Variants in RFX3 observed in about 807,000 individuals in gnomAD.
RFX3 encodes regulatory factor X3.
In RFX3, 14 loss-of-function variants were observed where a neutral mutation model predicts 98.6. The ratio of observed to expected loss-of-function variants is 0.14; its 90% CI spans 0.09 to 0.22. The LOEUF (loss-of-function observed/expected upper bound fraction) is 0.22, where lower values mean the gene tolerates loss of function less well. Ranked by LOEUF, RFX3 falls within the 10% of genes least tolerant of loss-of-function variation. The pLI, the probability that RFX3 is intolerant of heterozygous loss-of-function variation, is 1.00. For synonymous variants in RFX3, 383 were observed against 328.4 expected (o/e 1.17, Z -1.80); for missense variants, 639 against 926.9 (o/e 0.69, Z 4.03).
rs934639397 is a variant in RFX3 at position 3,223,950 on chromosome 9, G to T, written c.*1092C>A. ...GGTGTGCCAGTTACACTGCCTTCAG[G>T]TTCTGTTTACAATTTAAATCCACAT... On this transcript the variant is annotated 3_prime_UTR_variant, in exon 17 of 17. Transcript: ENST00000617270. The T allele has an allele frequency of 3.9e-5, 6 of 152,242 alleles. No individual in the cohort carries two copies. The highest frequency in any genetic ancestry group is 1.4e-4 in the African/African-American group (6 of 41,544). The allele number at this position is 152,242 out of a possible 1,614,324, so 9.4% of individuals were successfully genotyped here. A position where few individuals can be genotyped will look rare whatever the true frequency, so the allele number is the denominator to read the frequency against.
chr9:3,275,612 T>C lies in RFX3; in HGVS notation c.974A>G (p.Asp325Gly), dbSNP rs780764199. 2 of 1,580,664 alleles carry C rather than the reference T, an allele frequency of 1.3e-6. No individual in the cohort carries two copies. Among genetic ancestry groups the C allele is most frequent in the Admixed American group, 1.7e-5 (1 of 59,878 alleles). ...AQSQHHQQFL[D>G]ASRALPEFGE... Reference sequence around the variant, plus strand: ...AAACTCTGGAAGTGCTCGAGATGCATCTGTTACCGTGACAACAGAACAGAA... The same window carrying C: ...AAACTCTGGAAGTGCTCGAGATGCACCTGTTACCGTGACAACAGAACAGAA... The change falls in exon 9 of 17, where the codon GAT (aspartate) becomes GGT (glycine). Residue 325 changes from aspartate to glycine, a missense_variant and splice_region_variant. Asp to Gly is a moderately conservative substitution (Grantham distance 94). This residue lies in a region of RFX3 where 86 missense variants were observed against 113.2 expected (regional missense o/e 0.76). Coordinates refer to ENST00000617270, the MANE Select transcript of RFX3 (RefSeq NM_001282116.2).
intron 15 of RFX3, among the ~76,000 whole-genome samples, chr9:3,231,474 C>G (rs1241337250): frequency 2.6e-5 from 4 of 152,114 alleles, no homozygotes; most frequent in Non-Finnish European, 5.9e-5. Context: ...CAATTCTAGT[C>G]AGATCAATTT....
Position 3,393,961 on chromosome 9 carries a change from G to A in RFX3, c.117+1511C>T, listed in dbSNP as rs1331952335. On this transcript the variant is annotated intron_variant, in intron 2 of 16. Coordinates refer to ENST00000617270, the MANE Select transcript of RFX3 (RefSeq NM_001282116.2). The stretch of plus-strand genomic sequence containing the variant: ...TTAGCCATAAAGCAAACCTGCATAT[G>A]TATGCTCTGGATCTACAATTCTAAA... 6.6e-5 allele frequency among the ~76,000 whole-genome samples: 10 copies of A among 152,238 alleles called. No individual in the cohort carries two copies. The East Asian group carries it at 7.7e-4, about 12-fold the overall frequency.
intron 4 of RFX3, among the ~76,000 whole-genome samples, chr9:3,308,291 T>C (rs756848675): frequency 2.6e-5 from 4 of 152,138 alleles, no homozygotes; most frequent in Non-Finnish European, 4.4e-5. Flanking sequence ...TAAGATCAAA[T>C]GGTGGGGTGA....
rs146078266 is a variant in RFX3 at position 3,432,686 on chromosome 9, C to A, written c.-8-37090G>T. Among the ~76,000 whole-genome samples the A allele has an allele frequency of 1.1e-4, 16 of 152,242 alleles. No homozygotes were observed. The East Asian group carries it at 2.9e-3, about 28-fold the overall frequency. On this transcript the variant is annotated intron_variant, in intron 1 of 16. Coordinates refer to ENST00000617270, the MANE Select transcript of RFX3 (RefSeq NM_001282116.2). Reference sequence around the variant, plus strand: ...GAATTAACAGAATATGACTTGAATTCCTTGAGTGCATCCAAACCAATGCCA... The same window carrying A: ...GAATTAACAGAATATGACTTGAATTACTTGAGTGCATCCAAACCAATGCCA...
intron 1 of RFX3, among the ~76,000 whole-genome samples, chr9:3,476,514 G>A (rs1849270455): frequency 1.3e-5 from 2 of 152,122 alleles, no homozygotes; most frequent in South Asian, 4.1e-4. Flanking sequence ...TTAAGATGAT[G>A]CCATTAAACC....
At chr9:3,516,283 C>T (rs1818162190) in intron 1 of RFX3, among the ~76,000 whole-genome samples, 1 of 152,078 alleles carries the variant, frequency 6.6e-6, no homozygotes, top group South Asian at 2.1e-4. Context: ...CTCCTGACCT[C>T]GTGATCCACC....
intron 8 of RFX3, 128 bp downstream of exon 8, chr9:3,277,212 G>A (rs1157313016): frequency 2.5e-6 from 2 of 799,338 alleles, no homozygotes; most frequent in East Asian, 2.5e-5. Flanking sequence ...TACATATGAT[G>A]TGCATAATTT....
intron 1 of RFX3, among the ~76,000 whole-genome samples, chr9:3,503,220 G>A (rs561727994): frequency 6.6e-6 from 1 of 151,858 alleles, no homozygotes; most frequent in East Asian, 1.9e-4. Context: ...TAAATGCCTG[G>A]GCATATTTGC....
chr9:3,292,361 A>G (rs1397636371), intron 6 of RFX3, among the ~76,000 whole-genome samples: 2 of 152,110 alleles, frequency 1.3e-5, no homozygotes, highest in Non-Finnish European at 2.9e-5. Context: ...AAACACTCAT[A>G]TTTATTTCCA....
intron 15 of RFX3, 114 bp from the exon 16 acceptor site, chr9:3,229,003 G>T: frequency 1.3e-6 from 1 of 780,602 alleles, no homozygotes; most frequent in Non-Finnish European, 2.0e-6. Flanking sequence ...TAAACTAGTG[G>T]CCATTTTGAT....
chr9:3,247,752 G>C, intron 15 of RFX3: 1 of 1,560,814 alleles, frequency 6.4e-7, no homozygotes, highest in Non-Finnish European at 8.7e-7. Flanking sequence ...TCATATTCCA[G>C]TGGTTCTCAA....
At chr9:3,399,036 T>G (rs913713175) in intron 1 of RFX3, among the ~76,000 whole-genome samples, 4 of 151,730 alleles carry the variant, frequency 2.6e-5, no homozygotes, top group African/African-American at 9.7e-5. Context: ...GAAATTGGCC[T>G]TCTATGGACT....
chr9:3,240,099 C>T (rs184463389), intron 15 of RFX3, among the ~76,000 whole-genome samples: 21 of 152,320 alleles, frequency 1.4e-4, no homozygotes, highest in Admixed American at 1.4e-3. Flanking sequence ...AGGCTGGCGA[C>T]ACGGGCTGGC....
At chr9:3,294,338 T>G (rs1327696147) in intron 5 of RFX3, among the ~76,000 whole-genome samples, 1 of 152,072 alleles carries the variant, frequency 6.6e-6, no homozygotes, top group Non-Finnish European at 1.5e-5. Context: ...GTAAGACAGG[T>G]GTAATAAAGA....
chr9:3,368,422 T>A (rs547122188), intron 2 of RFX3, among the ~76,000 whole-genome samples: 1 of 152,152 alleles, frequency 6.6e-6, no homozygotes, highest in South Asian at 2.1e-4. Context: ...CAATAAAAAA[T>A]TAGTGAATAT....
At chr9:3,274,520 C>T (rs1824942547) in intron 9 of RFX3, among the ~76,000 whole-genome samples, 1 of 152,068 alleles carries the variant, frequency 6.6e-6, no homozygotes, top group African/African-American at 2.4e-5. Context: ...ACCTCCCAGA[C>T]AATGAAGCAA....
chr9:3,260,750 T>C lies in RFX3; in HGVS notation c.1605+2185A>G, dbSNP rs577145552. The stretch of plus-strand genomic sequence containing the variant: ...TGTAAAGTAAATGGTTTTGTAAAGC[T>C]GAGAAACTTTGTTCTTGTAAAGATT... On this transcript the variant is annotated intron_variant, in intron 13 of 16. Transcript: ENST00000617270. 2.0e-5 allele frequency among the ~76,000 whole-genome samples: 3 copies of C among 151,600 alleles called. No individual in the cohort carries two copies. The South Asian group carries it at 6.2e-4, about 31-fold the overall frequency.
chr9:3,382,417 T>C (rs1387253090), intron 2 of RFX3, among the ~76,000 whole-genome samples: 3 of 152,150 alleles, frequency 2.0e-5, no homozygotes, highest in Non-Finnish European at 2.9e-5. Context: ...TACTGATCAA[T>C]TGATTTAATT....
Sources: gnomAD v4.1 joint callset for allele counts (sites outside exome capture counted in the v4.1 genomes callset) on GRCh38, gnomAD v4.1.1 for gene constraint, gnomAD v4.1.1 regional missense constraint, MANE v1.5 for transcripts, NCBI Gene and HGNC (gene_info 2026-07-23, HGNC 2026-07-21) for gene names.